The following KBTBD11 variants were observed in gnomAD, a reference collection of about 807,000 sequenced individuals.
KBTBD11 encodes the protein kelch repeat and BTB domain-containing protein 11.
For missense variants in KBTBD11, 1,390 were observed against 1,001.8 expected, an observed-to-expected ratio of 1.39 and a Z score of -5.23; for synonymous variants, 747 against 499.0, an observed-to-expected ratio of 1.50 and a Z score of -6.63.
intron 1 of KBTBD11, among the ~76,000 whole-genome samples, chr8:1,987,660 A>G (rs1287484402): frequency 1.3e-5 from 2 of 151,810 alleles, no homozygotes; most frequent in African/African-American, 2.4e-5. Context: ...TAACTTTCAC[A>G]TTCTGGGAGG....
chr8:2,004,437 C>G lies in KBTBD11; in HGVS notation c.*1373C>G, dbSNP rs942736099. ...TTTCTTACTGTAAGAGGAAAAGTTA[C>G]TGGAACGTAACTAGTTGAAATCCTG... On this transcript the variant is annotated 3_prime_UTR_variant, in exon 2 of 2. Coordinates refer to ENST00000320248, the MANE Select transcript of KBTBD11 (RefSeq NM_014867.3). 1.2e-5 allele frequency: 2 copies of G among 166,904 alleles called. No homozygotes were observed. The highest frequency in any genetic ancestry group is 2.9e-5 in the Non-Finnish European group (2 of 68,126). 10.3% of individuals were successfully genotyped at this position (166,904 alleles called of 1,614,324 possible).
Position 2,001,425 on chromosome 8 carries a change from G to A in KBTBD11, c.233G>A (p.Trp78Ter). ...GGCCCGCGGGTGGTGGAGCGGCAGT[G>A]GGAGGCCGGCAGCGCGGGCGCCGCG... ...SGGPRVVERQ[W>*]EAGSAGAASP... The change falls in exon 2 of 2, where the codon TGG becomes TAG. Residue 78 changes from tryptophan (W) to a stop codon, truncating the protein, a stop_gained. Coordinates refer to ENST00000320248, the MANE Select transcript of KBTBD11 (RefSeq NM_014867.3). LOFTEE classifies it low-confidence loss of function (END_TRUNC). The A allele has an allele frequency of 7.3e-7, 1 of 1,373,600 alleles. No individual in the cohort carries two copies. The highest frequency in any genetic ancestry group is 9.3e-7 in the Non-Finnish European group (1 of 1,070,786). 85.1% of individuals were successfully genotyped at this position (1,373,600 alleles called of 1,614,324 possible).
chr8:1,996,095 T>C lies in KBTBD11; in HGVS notation c.-908-4190T>C, dbSNP rs538351123. The stretch of plus-strand genomic sequence containing the variant: ...GATGCTATAATTTTTCTTAGACTTA[T>C]GGCCCTTCTTTCTTAATTAACCTTG... On this transcript the variant is annotated intron_variant, in intron 1 of 1. Transcript: ENST00000320248. Among the ~76,000 whole-genome samples, 161 of 152,384 alleles carry C rather than the reference T, an allele frequency of 1.1e-3. 3 individuals are homozygous for C. The highest frequency in any genetic ancestry group is 3.9e-3 in the Admixed American group (59 of 15,312).
intron 1 of KBTBD11, among the ~76,000 whole-genome samples, chr8:1,978,961 C>A (rs1221473035): frequency 6.6e-6 from 1 of 152,190 alleles, no homozygotes; most frequent in Non-Finnish European, 1.5e-5. Context: ...AGACCCACCC[C>A]CAGCCCACAG....
chr8:2,001,950 A>C lies in KBTBD11; in HGVS notation c.758A>C (p.Asp253Ala), dbSNP rs1248989272. ...AKRQRLNELR[D>A]AAYCFMSDHY... is the part of the protein sequence containing the mutation. ...CGGCAGCGGCTGAACGAGCTGCGCG[A>C]CGCCGCCTACTGCTTCATGAGCGAC... The change falls in exon 2 of 2, where the codon GAC (aspartate) becomes GCC (alanine). Residue 253 changes from aspartate to alanine, a missense_variant. Transcript: ENST00000320248. 3.4e-6 allele frequency: 5 copies of C among 1,473,808 alleles called. No homozygotes were observed. Among genetic ancestry groups the C allele is most frequent in the Non-Finnish European group, 3.6e-6 (4 of 1,109,598 alleles). The allele number at this position is 1,473,808 out of a possible 1,614,324, so 91.3% of individuals were successfully genotyped here. A position where few individuals can be genotyped will look rare whatever the true frequency, so the allele number is the denominator to read the frequency against.
chr8:1,974,770 C>T (rs1033050405), intron 1 of KBTBD11: 30 of 905,750 alleles, frequency 3.3e-5, no homozygotes, highest in African/African-American at 7.2e-5. Context: ...ACCAAAGTCC[C>T]TCCACCTCTT....
At chr8:1,988,418 G>A (rs969500011) in intron 1 of KBTBD11, among the ~76,000 whole-genome samples, 46 of 152,092 alleles carry the variant, frequency 3.0e-4, no homozygotes, top group Non-Finnish European at 4.9e-4. Flanking sequence ...TTTAATGATC[G>A]CCATTCTAAC....
rs912296498 is a variant in KBTBD11, at chr8:2,006,169, G to A, written c.*3105G>A. On this transcript the variant is annotated 3_prime_UTR_variant, in exon 2 of 2. Transcript: ENST00000320248. ...CAAATAAGTAAGAAATTAATCATCT[G>A]CTCTGTTTCTGCTAATTTCTGGTGT... 1.0e-4 allele frequency: 17 copies of A among 167,078 alleles called. 1 individual carries two copies. Among genetic ancestry groups the A allele is most frequent in the African/African-American group, 4.1e-4 (17 of 41,452 alleles). The allele number at this position is 167,078 out of a possible 1,614,324, so 10.3% of individuals were successfully genotyped here.
At chr8:1,986,548 A>C (rs751195687) in intron 1 of KBTBD11, among the ~76,000 whole-genome samples, 23 of 152,286 alleles carry the variant, frequency 1.5e-4, no homozygotes, top group Middle Eastern at 3.4e-3. Context: ...ACAAAACACG[A>C]GTTTTTATTT....
rs138726503 is a variant in KBTBD11, at chr8:1,981,905, G to T, written c.-909+7970G>T. Among the ~76,000 whole-genome samples the T allele has an allele frequency of 1.2e-4, 19 of 152,238 alleles. No homozygotes were observed. In the East Asian group the frequency reaches 2.1e-3, roughly 17 times the overall value. ...CTGAGCCATGCCACTGGCTTCTCTGGTTCTCCAGCTTGCAGATAGCCTGTT... is the reference window on the plus strand; with the variant it reads ...CTGAGCCATGCCACTGGCTTCTCTGTTTCTCCAGCTTGCAGATAGCCTGTT... On this transcript the variant is annotated intron_variant, in intron 1 of 1. Coordinates refer to ENST00000320248, the MANE Select transcript of KBTBD11 (RefSeq NM_014867.3).
chr8:1,974,288 C>T (rs981764871), intron 1 of KBTBD11: 3 of 983,606 alleles, frequency 3.1e-6, no homozygotes, highest in Non-Finnish European at 3.6e-6. Context: ...GACGCGGCAA[C>T]CCCGGCCGGA....
In KBTBD11 at chr8:2,001,756, C is replaced by T. The variant is rs996626026; in HGVS notation, c.564C>T (p.Leu188=). 7.6e-6 allele frequency: 10 copies of T among 1,315,736 alleles called. No individual in the cohort carries two copies. The highest frequency in any genetic ancestry group is 9.7e-6 in the Non-Finnish European group (10 of 1,034,764). 81.5% of individuals were successfully genotyped at this position (1,315,736 alleles called of 1,614,324 possible). The change falls in exon 2 of 2, where the codon CTC becomes CTT. Residue 188 remains leucine, a synonymous_variant. Transcript: ENST00000320248. ...GVSLTALRLL[L]ADAYSGRMAG... ...GCCTGACGGCGCTGCGGCTGCTCCT[C>T]GCCGACGCCTACAGCGGGCGCATGG...
chr8:1,980,728 A>C (rs1283008297), intron 1 of KBTBD11, among the ~76,000 whole-genome samples: 1 of 152,176 alleles, frequency 6.6e-6, no homozygotes, highest in Non-Finnish European at 1.5e-5. Context: ...CGCAGCCGCC[A>C]GGGCAGGGGC....
At position 2,000,724 on chromosome 8, in the gene KBTBD11, T is replaced by G; in HGVS notation, c.-469T>G. The G allele has an allele frequency of 6.5e-6, 1 of 153,350 alleles. No homozygotes were observed. Among genetic ancestry groups the G allele is most frequent in the Non-Finnish European group, 1.4e-5 (1 of 69,064 alleles). 9.5% of individuals were successfully genotyped at this position (153,350 alleles called of 1,614,324 possible). ...GAGCGAGGGCGCACCCAATACCTGG[T>G]TATCTGGTACTGCAGAGAGACACCT... On this transcript the variant is annotated 5_prime_UTR_variant, in exon 2 of 2. Coordinates refer to ENST00000320248, the MANE Select transcript of KBTBD11 (RefSeq NM_014867.3).
In KBTBD11 at chr8:2,002,861, G is replaced by C; in HGVS notation, c.1669G>C (p.Ala557Pro). The change falls in exon 2 of 2, where the codon GCC (alanine) becomes CCC (proline). Residue 557 changes from alanine to proline, a missense_variant. By Grantham distance (27) the Ala-to-Pro change is conservative. Coordinates refer to ENST00000320248, the MANE Select transcript of KBTBD11 (RefSeq NM_014867.3). The surrounding 1 kb of genome is among the most constrained non-coding windows in gnomAD (Gnocchi z 4.1). ...PTGLQPFRCAALDGAIYCVSR... is the reference protein window; with the variant it reads ...PTGLQPFRCAPLDGAIYCVSR... Reference sequence around the variant, plus strand: ...GGGCCTGCAGCCCTTCCGCTGCGCCGCCCTGGACGGCGCCATCTACTGCGT... The same window carrying C: ...GGGCCTGCAGCCCTTCCGCTGCGCCCCCCTGGACGGCGCCATCTACTGCGT... 1 of 1,373,810 alleles carries C rather than the reference G, an allele frequency of 7.3e-7. No individual in the cohort carries two copies. Among genetic ancestry groups the C allele is most frequent in the Non-Finnish European group, 9.3e-7 (1 of 1,072,680 alleles). The allele number at this position is 1,373,810 out of a possible 1,614,324, so 85.1% of individuals were successfully genotyped here. A position where few individuals can be genotyped will look rare whatever the true frequency, so the allele number is the denominator to read the frequency against.
rs1466205717 is a variant in KBTBD11 at position 1,973,946 on chromosome 8, C to T, written c.-909+11C>T. ...AGGAGCCGCGGCGAGGTAGGGCGGACCCCGGGGAGGCAGCGGCGGGGCCTG... is the reference window on the plus strand; with the variant it reads ...AGGAGCCGCGGCGAGGTAGGGCGGATCCCGGGGAGGCAGCGGCGGGGCCTG... On this transcript the variant is annotated intron_variant, in intron 1 of 1. Transcript: ENST00000320248. The T allele has an allele frequency of 5.1e-6, 5 of 982,786 alleles. No individual in the cohort carries two copies. Among genetic ancestry groups the T allele is most frequent in the African/African-American group, 1.8e-5 (1 of 56,822 alleles). 60.9% of individuals were successfully genotyped at this position (982,786 alleles called of 1,614,324 possible). A position where few individuals can be genotyped will look rare whatever the true frequency, so the allele number is the denominator to read the frequency against.
intron 1 of KBTBD11, among the ~76,000 whole-genome samples, chr8:1,998,276 A>G (rs922134829): frequency 6.6e-6 from 1 of 152,206 alleles, no homozygotes; most frequent in African/African-American, 2.4e-5. Context: ...CCTTGTTGGC[A>G]CAGCAGAGAT....
Position 2,004,315 on chromosome 8 carries a change from T to C in KBTBD11, c.*1251T>C. 6.0e-6 allele frequency: 1 copy of C among 166,980 alleles called. No individual in the cohort carries two copies. The allele number at this position is 166,980 out of a possible 1,614,324, so 10.3% of individuals were successfully genotyped here. On this transcript the variant is annotated 3_prime_UTR_variant, in exon 2 of 2. Transcript: ENST00000320248. ...TCGTTTCTCATTTAACATTTTACTT[T>C]TCAAGTGTGTATACAGAGGACTTAC...
chr8:2,001,607 G>A lies in KBTBD11; in HGVS notation c.415G>A (p.Glu139Lys). ...VPPGFGAVYG[E>K]PDLVLEVSGR... ...CCCGGGGTTCGGGGCGGTGTACGGG[G>A]AGCCGGACCTGGTGCTGGAGGTGTC... is the stretch of plus-strand genomic sequence containing the variant. Residue 139 changes from glutamate (E) to lysine (K), a missense_variant, in exon 2 of 2, where the codon GAG becomes AAG. Physicochemically the swap from Glu to Lys is moderately conservative, Grantham distance 56. Coordinates refer to ENST00000320248, the MANE Select transcript of KBTBD11 (RefSeq NM_014867.3). 1.4e-6 allele frequency: 2 copies of A among 1,476,724 alleles called. No homozygotes were observed. The highest frequency in any genetic ancestry group is 1.3e-5 in the South Asian group (1 of 78,688). 91.5% of individuals were successfully genotyped at this position (1,476,724 alleles called of 1,614,324 possible).
Sources: allele counts gnomAD v4.1 joint callset (sites outside exome capture counted in the v4.1 genomes callset), GRCh38; gene constraint gnomAD v4.1.1; non-coding constraint Gnocchi (gnomAD v3.1); transcripts MANE v1.5; gene names NCBI Gene and HGNC (gene_info 2026-07-23, HGNC 2026-07-21).